NOMO2: variants seen among roughly 807,000 people sequenced by gnomAD.
NOMO2 encodes the protein BOS complex subunit NOMO2.
Under a neutral mutation model 67.1 loss-of-function variants are expected in NOMO2, and 14 were observed. That is an observed-to-expected ratio of 0.21 (90% confidence interval 0.14 to 0.33). The LOEUF (loss-of-function observed/expected upper bound fraction) is 0.33. Ranked by LOEUF, NOMO2 falls within the 10% of genes least tolerant of loss-of-function variation. The pLI is 1.00. For synonymous variants in NOMO2, 80 were observed against 305.9 expected (o/e 0.26, Z 7.71); for missense variants, 178 against 761.0 (o/e 0.23, Z 9.01).
At chr16:18,560,210 G>A (rs553182534) in intron 1 of NOMO2, among the ~76,000 whole-genome samples, 1 of 152,072 alleles carries the variant, frequency 6.6e-6, no homozygotes, top group East Asian at 2.0e-4. Context: ...AGTATGAAAT[G>A]TCTGATTTCA....
At chr16:18,553,303 TA>T (rs1453017354) in intron 3 of NOMO2, among the ~76,000 whole-genome samples, 1 of 150,912 alleles carries the variant, frequency 6.6e-6, no homozygotes, top group Non-Finnish European at 1.5e-5. Context: ...AAATATTTTA[TA>T]AAATATAAAT....
intron 14 of NOMO2, among the ~76,000 whole-genome samples, chr16:18,529,933 T>A (rs1901257477): frequency 6.7e-6 from 1 of 150,248 alleles, no homozygotes; most frequent in Non-Finnish European, 1.5e-5. Context: ...CTGACCAACA[T>A]AGCAAAACCC....
chr16:18,539,741 T>C (rs962582876), intron 9 of NOMO2, among the ~76,000 whole-genome samples: 1 of 151,564 alleles, frequency 6.6e-6, no homozygotes, highest in Non-Finnish European at 1.5e-5. Flanking sequence ...AGCAAGACTC[T>C]GTCTCAAAGA....
chr16:18,529,715 C>T (rs1901251813), intron 14 of NOMO2, 78 bp from the exon 15 acceptor site: 6 of 1,008,282 alleles, frequency 6.0e-6, no homozygotes, highest in Non-Finnish European at 8.8e-6. Flanking sequence ...AAACAATGAT[C>T]ATGAATTAAC....
At chr16:18,540,307 C>A in intron 9 of NOMO2, among the ~76,000 whole-genome samples, 1 of 150,250 alleles carries the variant, frequency 6.7e-6, no homozygotes, top group East Asian at 2.0e-4. Context: ...GCATTACCTA[C>A]TTATTAATTC....
At chr16:18,540,024 T>C (rs1017032727) in intron 9 of NOMO2, among the ~76,000 whole-genome samples, 4 of 151,672 alleles carry the variant, frequency 2.6e-5, no homozygotes, top group African/African-American at 9.7e-5. Flanking sequence ...CCCACTAGCA[T>C]GTTACCTCAT....
intron 11 of NOMO2, among the ~76,000 whole-genome samples, chr16:18,538,214 C>G (rs2141731040): frequency 6.8e-6 from 1 of 147,158 alleles, no homozygotes; most frequent in Middle Eastern, 3.5e-3. Context: ...TAGTGAAACC[C>G]TGTCTCTACT....
intron 1 of NOMO2, among the ~76,000 whole-genome samples, chr16:18,561,194 A>AAAC (rs772174057): frequency 0.016 from 2,123 of 136,904 alleles, 43 homozygotes; most frequent in Non-Finnish European, 0.021. Context: ...AAAAAAAAAA[A>AAAC]AAAAAAAAAA....
At chr16:18,551,774 C>T (rs1312440660) in intron 3 of NOMO2, among the ~76,000 whole-genome samples, 1 of 150,634 alleles carries the variant, frequency 6.6e-6, no homozygotes, top group African/African-American at 2.4e-5. Flanking sequence ...AGAGGGAATT[C>T]GTGTTTAGAG....
At chr16:18,560,377 T>A in intron 1 of NOMO2, among the ~76,000 whole-genome samples, 1 of 151,216 alleles carries the variant, frequency 6.6e-6, no homozygotes, top group Non-Finnish European at 1.5e-5. Context: ...GGTGCCTGTC[T>A]TTTCCTTCCT....
intron 14 of NOMO2, among the ~76,000 whole-genome samples, chr16:18,529,961 C>A (rs1178340940): frequency 1.4e-5 from 2 of 145,350 alleles, no homozygotes; most frequent in African/African-American, 2.5e-5. Context: ...ACTAAAAATA[C>A]AAAAGTGATC....
chr16:18,556,398 G>A (rs554376423), intron 2 of NOMO2, among the ~76,000 whole-genome samples: 85 of 151,258 alleles, frequency 5.6e-4, no homozygotes, highest in African/African-American at 1.9e-3. Context: ...AGCCGAGATC[G>A]CGCCACTGCA....
chr16:18,557,901 T>C (rs1460613149), intron 1 of NOMO2, 110 bp from the exon 2 acceptor site: 11 of 1,590,506 alleles, frequency 6.9e-6, no homozygotes, highest in Non-Finnish European at 9.4e-6. Flanking sequence ...GGACCTACTA[T>C]ATACCAGCTT....
In NOMO2 at chr16:18,529,651, C is replaced by T. The variant is rs1901249414; in HGVS notation, c.1670-14G>A. The T allele has an allele frequency of 3.2e-6, 5 of 1,561,726 alleles. No homozygotes were observed. Among genetic ancestry groups the T allele is most frequent in the Non-Finnish European group, 4.4e-6 (5 of 1,142,906 alleles). ...GCATGATGCTTACTGCAAAAGCAAA[C>T]ACCAAAAACGGATACATGGGCGTGG... On this transcript the variant is annotated splice_polypyrimidine_tract_variant and intron_variant, in intron 14 of 30. Coordinates refer to ENST00000622306, the MANE Select transcript of NOMO2 (RefSeq NM_173614.4).
chr16:18,553,141 G>A (rs770733390), intron 3 of NOMO2, among the ~76,000 whole-genome samples: 14 of 151,628 alleles, frequency 9.2e-5, no homozygotes, highest in Non-Finnish European at 1.9e-4. Flanking sequence ...TGGGTGTGGT[G>A]GTGCACAACT....
At chr16:18,537,425 A>G (rs1043542517) in intron 11 of NOMO2, among the ~76,000 whole-genome samples, 1 of 148,892 alleles carries the variant, frequency 6.7e-6, no homozygotes, top group African/African-American at 2.4e-5. Context: ...GAAAACAATG[A>G]TCAAAGCTTG....
At chr16:18,554,477 G>A (rs1901860437) in intron 3 of NOMO2, among the ~76,000 whole-genome samples, 1 of 152,060 alleles carries the variant, frequency 6.6e-6, no homozygotes, top group African/African-American at 2.4e-5. Context: ...TAAAAAAGAA[G>A]CCATCCTGGG....
At chr16:18,555,640 G>A (rs1276054622) in intron 2 of NOMO2, among the ~76,000 whole-genome samples, 13 of 149,276 alleles carry the variant, frequency 8.7e-5, no homozygotes, top group Non-Finnish European at 1.0e-4. Context: ...ATGGAGCCTC[G>A]CTCTGTTGCC....
At chr16:18,540,615 C>G (rs1333159119) in intron 9 of NOMO2, among the ~76,000 whole-genome samples, 4 of 151,818 alleles carry the variant, frequency 2.6e-5, no homozygotes, top group African/African-American at 9.7e-5. Flanking sequence ...GTCAAACACT[C>G]CACTGAATCT....
Sources: allele counts gnomAD v4.1 joint callset (sites outside exome capture counted in the v4.1 genomes callset), GRCh38; gene constraint gnomAD v4.1.1; transcripts MANE v1.5; gene names NCBI Gene and HGNC (gene_info 2026-07-23, HGNC 2026-07-21).